MIOS: variants seen among roughly 807,000 people sequenced by gnomAD.
MIOS encodes meiosis regulator for oocyte development.
A neutral mutation model predicts 96.9 loss-of-function variants in MIOS; 52 were observed. That is an observed-to-expected ratio of 0.54 (90% confidence interval 0.43 to 0.68). The LOEUF (loss-of-function observed/expected upper bound fraction) is 0.68. Among genes scored for constraint, MIOS ranks in the 30% least tolerant of loss-of-function variants. MIOS has a pLI of 0.00. For synonymous variants in MIOS, 397 were observed against 359.5 expected (o/e 1.10, Z -1.18); for missense variants, 1,005 against 1,052.8 (o/e 0.95, Z 0.63).
intron 12 of MIOS, among the ~76,000 whole-genome samples, chr7:7,606,336 C>T (rs910162598): frequency 2.0e-5 from 3 of 152,080 alleles, no homozygotes; most frequent in Non-Finnish European, 2.9e-5. Flanking sequence ...TAACTTTATT[C>T]GGGGAGAGGA....
intron 11 of MIOS, among the ~76,000 whole-genome samples, chr7:7,600,176 A>G (rs928851168): frequency 8.4e-6 from 1 of 119,054 alleles, no homozygotes; most frequent in South Asian, 3.1e-4. Context: ...GTAAAAGTTT[A>G]AAAAAAAGAA....
chr7:7,601,651 G>C (rs1383781542), intron 11 of MIOS, among the ~76,000 whole-genome samples: 1 of 152,112 alleles, frequency 6.6e-6, no homozygotes, highest in Non-Finnish European at 1.5e-5. Flanking sequence ...GTACAAGGAG[G>C]AGCTGGTACC....
At chr7:7,596,891 C>G (rs1476687607) in intron 11 of MIOS, among the ~76,000 whole-genome samples, 1 of 152,142 alleles carries the variant, frequency 6.6e-6, no homozygotes, top group East Asian at 1.9e-4. Flanking sequence ...TCAAAACCTA[C>G]CTATAAAATA....
At chr7:7,601,712 A>C (rs1342009730) in intron 11 of MIOS, among the ~76,000 whole-genome samples, 7 of 152,190 alleles carry the variant, frequency 4.6e-5, no homozygotes, top group Admixed American at 4.6e-4. Flanking sequence ...ATCCTCCCCA[A>C]CTCATTTTAT....
intron 9 of MIOS, among the ~76,000 whole-genome samples, chr7:7,591,555 C>T (rs1451163123): frequency 6.6e-6 from 1 of 152,144 alleles, no homozygotes. Flanking sequence ...GTTAGGATTA[C>T]AGGCATGAGC....
intron 9 of MIOS, 56 bp from the exon 10 acceptor site, chr7:7,594,922 GTC>G (rs1285315980): frequency 9.4e-6 from 12 of 1,275,930 alleles, no homozygotes; most frequent in Admixed American, 2.4e-5. Flanking sequence ...CTACCCAGAA[GTC>G]TCTGGCCTAG....
chr7:7,594,950 C>A, intron 9 of MIOS, 30 bp from the exon 10 acceptor site: 4 of 1,492,376 alleles, frequency 2.7e-6, no homozygotes, highest in Non-Finnish European at 3.6e-6. Context: ...AGATTTTAAA[C>A]AATTGAAATA....
intron 11 of MIOS, among the ~76,000 whole-genome samples, chr7:7,603,014 C>T (rs2115500866): frequency 6.6e-6 from 1 of 151,418 alleles, no homozygotes; most frequent in East Asian, 1.9e-4. Flanking sequence ...ACTGGCTAGC[C>T]ATATGTAGAA....
chr7:7,593,202 A>G (rs1434704104), intron 9 of MIOS, among the ~76,000 whole-genome samples: 1 of 152,194 alleles, frequency 6.6e-6, no homozygotes, highest in Non-Finnish European at 1.5e-5. Flanking sequence ...CTACTTTGGT[A>G]CTTAGTTCTG....
intron 5 of MIOS, among the ~76,000 whole-genome samples, chr7:7,578,464 A>T (rs988817020): frequency 6.6e-6 from 1 of 152,184 alleles, no homozygotes; most frequent in Non-Finnish European, 1.5e-5. Flanking sequence ...GTTTGAAACC[A>T]GTCTGGGTTA....
intron 11 of MIOS, among the ~76,000 whole-genome samples, chr7:7,599,307 G>A (rs1485446777): frequency 6.6e-6 from 1 of 152,154 alleles, no homozygotes; most frequent in Non-Finnish European, 1.5e-5. Context: ...ATTACAGGGT[G>A]CTTTAGACTT....
intron 5 of MIOS, among the ~76,000 whole-genome samples, chr7:7,574,434 A>G (rs943996986): frequency 1.3e-5 from 2 of 152,208 alleles, no homozygotes; most frequent in South Asian, 2.1e-4. Flanking sequence ...TCTTAAATCT[A>G]TCCACACGTT....
Position 7,600,170 on chromosome 7 carries a change from A to G in MIOS, c.2401+3709A>G, listed in dbSNP as rs1350612500. On this transcript the variant is annotated intron_variant, in intron 11 of 12. Transcript: ENST00000340080. ...ACATGTACCCCTGAAACTAAAGTAA[A>G]AGTTTAAAAAAAAGAAAAAGAAGCA... Among the ~76,000 whole-genome samples the G allele has an allele frequency of 1.1e-4, 16 of 139,968 alleles. No individual in the cohort carries two copies. The Admixed American group carries it at 1.2e-3, about 11-fold the overall frequency. The allele number at this position is 139,968 out of a possible 152,430, so 91.8% of individuals were successfully genotyped here.
At position 7,574,108 on chromosome 7, in the gene MIOS, A is replaced by C; in HGVS notation, c.1305A>C (p.Gln435His). 6.2e-7 allele frequency: 1 copy of C among 1,605,328 alleles called. No individual in the cohort carries two copies. Among genetic ancestry groups the C allele is most frequent in the East Asian group, 2.2e-5 (1 of 44,660 alleles). ...SLWYTLHFMKQYTEDMDQKSP... is the reference protein window; with the variant it reads ...SLWYTLHFMKHYTEDMDQKSP... ...TATGCATTTAAATACTTATGAAGCA[A>C]TACACAGAAGATATGGATCAGAAAT... Residue 435 changes from glutamine (Q) to histidine (H), a missense_variant, in exon 5 of 13, where the codon CAA (glutamine) becomes CAC (histidine). This residue lies in a region of MIOS where 865 missense variants were observed against 887.9 expected (regional missense o/e 0.97). Coordinates refer to ENST00000340080, the MANE Select transcript of MIOS (RefSeq NM_019005.4).
chr7:7,589,874 C>T (rs1194509132), intron 9 of MIOS, among the ~76,000 whole-genome samples: 1 of 152,182 alleles, frequency 6.6e-6, no homozygotes, highest in African/African-American at 2.4e-5. Context: ...GCATCTTCTA[C>T]AAGAAAGATT....
In MIOS at chr7:7,606,235, T is replaced by C. The variant is rs969533717; in HGVS notation, c.2531+164T>C. Among the ~76,000 whole-genome samples, 4 of 152,350 alleles carry C rather than the reference T, an allele frequency of 2.6e-5. 1 individual carries two copies. The South Asian group carries it at 8.3e-4, about 32-fold the overall frequency. ...GTGGTGTGAACATGTCGTGATTAGA[T>C]ATCCTATGTAACCTTAAACTATAAA... is the stretch of plus-strand genomic sequence containing the variant. On this transcript the variant is annotated intron_variant, in intron 12 of 12. Transcript: ENST00000340080.
At chr7:7,600,822 G>A (rs1784353576) in intron 11 of MIOS, among the ~76,000 whole-genome samples, 1 of 152,152 alleles carries the variant, frequency 6.6e-6, no homozygotes. Flanking sequence ...TGGAAGTAAA[G>A]CACTCCTCAG....
At position 7,567,275 on chromosome 7, in the gene MIOS, C is replaced by CGGA; in HGVS notation, c.-221+205_-221+207dup. The CGGA allele has an allele frequency of 1.3e-5, 2 of 152,214 alleles. 1 individual carries two copies. Among genetic ancestry groups the CGGA allele is most frequent in the South Asian group, 4.1e-4 (2 of 4,830 alleles). 9.4% of individuals were successfully genotyped at this position (152,214 alleles called of 1,614,324 possible). Reference sequence around the variant, plus strand: ...GGGCTGCGGGCGGCCGTGGGACCTGCGGAGACCTCCTCGGGGCGCAGGGAA... The same window carrying CGGA: ...GGGCTGCGGGCGGCCGTGGGACCTGCGGAGGAGACCTCCTCGGGGCGCAGGGAA... On this transcript the variant is annotated intron_variant, in intron 1 of 12. Transcript: ENST00000340080.
chr7:7,570,504 C>T (rs182059594), intron 3 of MIOS, among the ~76,000 whole-genome samples: 12 of 152,098 alleles, frequency 7.9e-5, no homozygotes, highest in Admixed American at 4.6e-4. Flanking sequence ...ATGATTCAAG[C>T]GCATTACATT....
Sources: gnomAD v4.1 joint callset for allele counts (sites outside exome capture counted in the v4.1 genomes callset) on GRCh38, gnomAD v4.1.1 for gene constraint, gnomAD v4.1.1 regional missense constraint, MANE v1.5 for transcripts, NCBI Gene and HGNC (gene_info 2026-07-23, HGNC 2026-07-21) for gene names.